Variants in IQSEC3 observed in about 807,000 individuals in gnomAD.
IQSEC3 encodes IQ motif and Sec7 domain ArfGEF 3, also known as IQ motif and SEC7 domain-containing protein 3.
In IQSEC3, 50 loss-of-function variants were observed where a neutral mutation model predicts 105.4. The ratio of observed to expected loss-of-function variants is 0.47; its 90% CI spans 0.38 to 0.60. IQSEC3 has a LOEUF of 0.60. Among genes scored for constraint, IQSEC3 ranks in the 20% least tolerant of loss-of-function variants. The pLI, the probability that IQSEC3 is intolerant of heterozygous loss-of-function variation, is 0.00. For missense variants in IQSEC3, 1,415 were observed against 1,630.0 expected (o/e 0.87, Z 2.27); for synonymous variants, 708 against 746.0 (o/e 0.95, Z 0.83).
At chr12:103,679 G>A (rs1265025998) in intron 2 of IQSEC3, among the ~76,000 whole-genome samples, 1 of 30,240 alleles carries the variant, frequency 3.3e-5, no homozygotes, top group South Asian at 1.4e-3. Flanking sequence ...GGGAGGCAGG[G>A]CTCAGGGGTA....
At chr12:159,410 C>T (rs1242070829) in intron 7 of IQSEC3, among the ~76,000 whole-genome samples, 2 of 152,202 alleles carry the variant, frequency 1.3e-5, no homozygotes, top group African/African-American at 4.8e-5. Flanking sequence ...TCAGAGCTTC[C>T]TCATTTTTAG....
chr12:141,386 A>ACAGCTTC, intron 5 of IQSEC3, 101 bp downstream of exon 5: 1 of 1,278,980 alleles, frequency 7.8e-7, no homozygotes, highest in Non-Finnish European at 1.1e-6. Flanking sequence ...TCCAGTTCTA[A>ACAGCTTC]CAGCTTCCAG....
At chr12:91,633 T>C (rs1258452797) in intron 1 of IQSEC3, among the ~76,000 whole-genome samples, 1 of 151,944 alleles carries the variant, frequency 6.6e-6, no homozygotes, top group African/African-American at 2.4e-5. Context: ...AAAGAAAGTA[T>C]CTGGGTGTGG....
At chr12:118,208 C>A (rs781962258) in intron 2 of IQSEC3, among the ~76,000 whole-genome samples, 1 of 152,180 alleles carries the variant, frequency 6.6e-6, no homozygotes, top group Non-Finnish European at 1.5e-5. Flanking sequence ...TTGGGCAGGA[C>A]CTTCCAGCTC....
In IQSEC3 at chr12:175,538, G is replaced by T. The variant is rs57867539; in HGVS notation, c.*505G>T. 0.019 allele frequency: 2,886 copies of T among 152,818 alleles called. 105 individuals carry two copies. Among genetic ancestry groups the T allele is most frequent in the African/African-American group, 0.065 (2,695 of 41,528 alleles). The allele number at this position is 152,818 out of a possible 1,614,324, so 9.5% of individuals were successfully genotyped here. ...GTCCCACCCCTGGAGGGACAGGTGG[G>T]AGGAGTGAGGAGGGGGCTTTTTCTG... is the stretch of plus-strand genomic sequence containing the variant. On this transcript the variant is annotated 3_prime_UTR_variant, in exon 14 of 14. Coordinates refer to ENST00000538872, the MANE Select transcript of IQSEC3 (RefSeq NM_001170738.2).
chr12:105,934 G>A (rs1251829606), intron 2 of IQSEC3, among the ~76,000 whole-genome samples: 1 of 152,182 alleles, frequency 6.6e-6, no homozygotes, highest in Non-Finnish European at 1.5e-5. Flanking sequence ...TGGTGCTTGG[G>A]CTGCCCTCAA....
chr12:136,483 C>G (rs1157939535), intron 3 of IQSEC3, among the ~76,000 whole-genome samples: 7 of 152,116 alleles, frequency 4.6e-5, no homozygotes, highest in Non-Finnish European at 8.8e-5. Flanking sequence ...CTGGCTGCAG[C>G]CTTTGGGGGC....
intron 3 of IQSEC3, among the ~76,000 whole-genome samples, chr12:133,229 C>T (rs768871742): frequency 4.6e-5 from 7 of 152,348 alleles, no homozygotes; most frequent in African/African-American, 4.8e-5. Context: ...ATCACGGGCT[C>T]CTCTGATGAT....
At chr12:105,746 T>C (rs1864627263) in intron 2 of IQSEC3, among the ~76,000 whole-genome samples, 1 of 152,156 alleles carries the variant, frequency 6.6e-6, no homozygotes, top group African/African-American at 2.4e-5. Context: ...TGTCATTGAG[T>C]TTTGACTTTC....
rs1279029096 is a variant in IQSEC3 at position 174,881 on chromosome 12, C to T, written c.3397C>T (p.Pro1133Ser). ...SSSSDSCGST[P>S]LGGPGSPVKV... ...GTCCTCTGACTCCTGCGGCTCCACA[C>T]CCCTGGGCGGTCCCGGCTCTCCGGT... Residue 1133 changes from proline (P) to serine (S), a missense_variant, in exon 14 of 14, where the codon CCC (proline) becomes TCC (serine). Coordinates refer to ENST00000538872, the MANE Select transcript of IQSEC3 (RefSeq NM_001170738.2). 6.4e-7 allele frequency: 1 copy of T among 1,573,924 alleles called. No individual in the cohort carries two copies. Among genetic ancestry groups the T allele is most frequent in the Non-Finnish European group, 8.6e-7 (1 of 1,168,554 alleles).
intron 5 of IQSEC3, among the ~76,000 whole-genome samples, chr12:153,423 G>A (rs1051506755): frequency 9.9e-5 from 15 of 152,146 alleles, no homozygotes; most frequent in African/African-American, 3.4e-4. Context: ...CCGTGCCTCC[G>A]GGTGCCAGTC....
Position 138,402 on chromosome 12 carries a change from C to G in IQSEC3, c.1039C>G (p.Leu347Val). Residue 347 changes from leucine to valine, a missense_variant, in exon 4 of 14, where the codon CTG (leucine) becomes GTG (valine). By Grantham distance (32) the Leu-to-Val change is conservative. Transcript: ENST00000538872. This position sits in a 1 kb window ranked among gnomAD's most constrained non-coding sequence, Gnocchi z 7.1. ...KIRNSLLESRLPRRISLRKVR... is the reference protein window; with the variant it reads ...KIRNSLLESRVPRRISLRKVR... ...CCGCAACTCGCTTCTGGAGAGCCGCCTGCCACGGCGGATCTCCCTGCGCAA... is the reference window on the plus strand; with the variant it reads ...CCGCAACTCGCTTCTGGAGAGCCGCGTGCCACGGCGGATCTCCCTGCGCAA... The G allele has an allele frequency of 1.2e-6, 2 of 1,610,332 alleles. No individual in the cohort carries two copies. The highest frequency in any genetic ancestry group is 1.7e-6 in the Non-Finnish European group (2 of 1,179,866).
rs1405634129 is a variant in IQSEC3 at position 151,238 on chromosome 12, G to A, written c.2154-5787G>A. Among the ~76,000 whole-genome samples the A allele has an allele frequency of 2.2e-5, 3 of 135,370 alleles. No homozygotes were observed. In the Admixed American group the frequency reaches 2.3e-4, roughly 10 times the overall value. 88.8% of individuals were successfully genotyped at this position (135,370 alleles called of 152,430 possible). ...TATCTGAAAGAACACCTCAGACTTC[G>A]TGTGCCCCAAGATGGAGACTCCGTC... On this transcript the variant is annotated intron_variant, in intron 5 of 13. Coordinates refer to ENST00000538872, the MANE Select transcript of IQSEC3 (RefSeq NM_001170738.2).
chr12:126,255 C>T (rs916591208), intron 3 of IQSEC3, among the ~76,000 whole-genome samples: 2 of 152,238 alleles, frequency 1.3e-5, no homozygotes, highest in African/African-American at 2.4e-5. Context: ...CCATCTGCTG[C>T]TTAGAGGCCA....
At chr12:89,526 C>T (rs1436976434) in intron 1 of IQSEC3, among the ~76,000 whole-genome samples, 2 of 152,156 alleles carry the variant, frequency 1.3e-5, no homozygotes, top group South Asian at 2.1e-4. Flanking sequence ...AGTTTTGAAA[C>T]ATTACACTTG....
chr12:106,927 C>T (rs765264698), intron 2 of IQSEC3: 5 of 152,016 alleles, frequency 3.3e-5, no homozygotes, highest in Non-Finnish European at 5.9e-5. Flanking sequence ...AAACCAAAAA[C>T]GAAGAAATAA....
Position 174,694 on chromosome 12 carries a change from C to T in IQSEC3, c.3210C>T (p.Ser1070=), listed in dbSNP as rs773021644. Residue 1070 remains serine, a synonymous_variant, in exon 14 of 14, where the codon AGC becomes AGT. Transcript: ENST00000538872. The stretch of plus-strand genomic sequence containing the variant: ...TGCCGCCGCCAGACCTGCAGCCTAG[C>T]CCCCCGAGACAGCAGACCCCACCAC... ...APVPPPDLQP[S]PPRQQTPPLP... 4 of 1,592,082 alleles carry T rather than the reference C, an allele frequency of 2.5e-6. No individual in the cohort carries two copies. In the South Asian group the frequency reaches 3.3e-5, roughly 13 times the overall value.
chr12:168,114 A>G (rs1938771058), intron 11 of IQSEC3, among the ~76,000 whole-genome samples: 1 of 152,250 alleles, frequency 6.6e-6, no homozygotes, highest in African/African-American at 2.4e-5. Flanking sequence ...AGTAGCTTTA[A>G]TAAAAGGAAC....
At chr12:158,174 G>T (rs1866761345) in intron 7 of IQSEC3, among the ~76,000 whole-genome samples, 2 of 142,774 alleles carry the variant, frequency 1.4e-5, no homozygotes, top group South Asian at 2.2e-4. Flanking sequence ...GTGCGCAATT[G>T]TTTTTTTTTT....
Sources: allele counts gnomAD v4.1 joint callset (sites outside exome capture counted in the v4.1 genomes callset), GRCh38; gene constraint gnomAD v4.1.1; non-coding constraint Gnocchi (gnomAD v3.1); transcripts MANE v1.5; gene names NCBI Gene and HGNC (gene_info 2026-07-23, HGNC 2026-07-21).